GDA: variants seen among roughly 807,000 people sequenced by gnomAD.
GDA encodes cytoplasmic PSD-95 interactor.
A neutral mutation model predicts 59.6 loss-of-function variants in GDA; 18 were observed. The observed-to-expected ratio is 0.30, with a 90% CI of 0.21 to 0.45. The LOEUF (loss-of-function observed/expected upper bound fraction) is 0.45. Ranked by LOEUF, GDA falls within the 20% of genes least tolerant of loss-of-function variation. The probability of loss-of-function intolerance (pLI) is 1.00; values close to 1 mark genes in which losing one functional copy is unlikely to be tolerated. For missense variants in GDA, 427 were observed against 552.3 expected (o/e 0.77, Z 2.27); for synonymous variants, 201 against 201.1 (o/e 1.00, Z 0.00).
intron 2 of GDA, among the ~76,000 whole-genome samples, chr9:72,198,864 A>AT (rs933076662): frequency 0.014 from 1,204 of 86,124 alleles, 44 homozygotes; most frequent in African/African-American, 0.058. Context: ...TATATATAAA[A>AT]TTTTTTTTGC....
At chr9:72,146,640 G>A (rs143484320), upstream of GDA, among the ~76,000 whole-genome samples, 53 of 152,158 alleles carry the variant, frequency 3.5e-4, no homozygotes, top group Non-Finnish European at 6.8e-4. Context: ...ACAGGTGTGC[G>A]CCACCACACT....
chr9:72,210,741 A>T lies in GDA; in HGVS notation c.439A>T (p.Thr147Ser). The T allele has an allele frequency of 6.2e-7, 1 of 1,611,384 alleles. No homozygotes were observed. Among genetic ancestry groups the T allele is most frequent in the Non-Finnish European group, 8.5e-7 (1 of 1,177,548 alleles). Residue 147 changes from threonine to serine, a missense_variant, in exon 4 of 14, where the codon ACT becomes TCT. Physicochemically the swap from Thr to Ser is moderately conservative, Grantham distance 58 (BLOSUM62 1). Transcript: ENST00000358399. ...AGCTTGTTACTTTGCAACAATTCAC[A>T]CTGACTCATCTCTGCTCCTTGCCGA... ...TTACYFATIH[T>S]DSSLLLADIT... is the part of the protein sequence containing the mutation.
intron 1 of GDA, among the ~76,000 whole-genome samples, chr9:72,168,020 T>C (rs1829518238): frequency 6.6e-6 from 1 of 152,186 alleles, no homozygotes; most frequent in Admixed American, 6.5e-5. Flanking sequence ...TCCCTAGTGC[T>C]GGGGTACATC....
intron 1 of GDA, among the ~76,000 whole-genome samples, chr9:72,115,851 A>G (rs535886894): frequency 1.3e-5 from 2 of 152,302 alleles, no homozygotes; most frequent in Admixed American, 6.5e-5. Context: ...AAAAAGGGGG[A>G]GATGCAAATG....
chr9:72,225,831 A>AT, intron 8 of GDA, 47 bp downstream of exon 8: 1 of 718,510 alleles, frequency 1.4e-6, no homozygotes, highest in South Asian at 1.9e-5. Flanking sequence ...GGGCATATTT[A>AT]TCTCAATTTT....
At chr9:72,208,790 C>T (rs1048803462) in intron 3 of GDA, among the ~76,000 whole-genome samples, 1 of 152,128 alleles carries the variant, frequency 6.6e-6, no homozygotes, top group Admixed American at 6.5e-5. Context: ...TTGTGACAAA[C>T]AACTTATATG....
At chr9:72,186,333 G>T (rs963687727) in intron 1 of GDA, among the ~76,000 whole-genome samples, 3 of 152,092 alleles carry the variant, frequency 2.0e-5, no homozygotes, top group African/African-American at 7.2e-5. Flanking sequence ...CCTCTCTGGT[G>T]TTTCAGAACC....
intron 1 of GDA, among the ~76,000 whole-genome samples, chr9:72,139,600 A>G (rs2130646796): frequency 6.6e-6 from 1 of 152,244 alleles, no homozygotes; most frequent in Admixed American, 6.5e-5. Context: ...CAGGAGGATC[A>G]CTTGAGGACA....
chr9:72,170,588 G>C (rs1310737534), intron 1 of GDA, among the ~76,000 whole-genome samples: 1 of 152,196 alleles, frequency 6.6e-6, no homozygotes, highest in Admixed American at 6.5e-5. Flanking sequence ...TGGATATGGG[G>C]AGGCTTACTA....
Position 72,123,023 on chromosome 9 carries a change from C to T in GDA, c.-100+8190C>T, listed in dbSNP as rs1419915066. On this transcript the variant is annotated intron_variant, in intron 1 of 13. Transcript: ENST00000545168. ...ACTGTGTATTCATATTTTAAGAAGG[C>T]ACCTTCTCGATCTCACCAAAGCAGT... 3.3e-5 allele frequency among the ~76,000 whole-genome samples: 5 copies of T among 152,234 alleles called. No homozygotes were observed. In the East Asian group the frequency reaches 9.6e-4, roughly 29 times the overall value.
rs1417509726 is a variant in GDA, at chr9:72,249,495, A to G, written c.*1153A>G. On this transcript the variant is annotated 3_prime_UTR_variant, in exon 14 of 14. Coordinates refer to ENST00000358399, the MANE Select transcript of GDA (RefSeq NM_004293.5). ...ATGTTTAGGATATTAAAATTTTAGG[A>G]TAATGAAGAGTACATAATGTCCTAC... 1.5e-6 allele frequency: 1 copy of G among 674,878 alleles called. No individual in the cohort carries two copies. The highest frequency in any genetic ancestry group is 1.8e-6 in the Non-Finnish European group (1 of 546,776). The allele number at this position is 674,878 out of a possible 1,614,324, so 41.8% of individuals were successfully genotyped here.
downstream of GDA, among the ~76,000 whole-genome samples, chr9:72,254,850 C>T (rs1279621939): frequency 6.6e-6 from 1 of 152,108 alleles, no homozygotes. Context: ...TTCAAATGGC[C>T]TTGGTGATTT....
At chr9:72,245,060 T>G (rs943053732) in intron 11 of GDA, 88 bp from the exon 12 acceptor site, 16 of 1,294,174 alleles carry the variant, frequency 1.2e-5, no homozygotes, top group Non-Finnish European at 1.1e-6. Flanking sequence ...CCTAGCGACA[T>G]GTTGGCAAAA....
chr9:72,173,219 T>C (rs1160244809), intron 1 of GDA, among the ~76,000 whole-genome samples: 1 of 152,228 alleles, frequency 6.6e-6, no homozygotes, highest in Non-Finnish European at 1.5e-5. Context: ...TAGAGCCACA[T>C]TCCTTTTATG....
intron 1 of GDA, among the ~76,000 whole-genome samples, chr9:72,171,962 TTAAG>T (rs1436786998): frequency 2.0e-5 from 3 of 152,208 alleles, no homozygotes; most frequent in Non-Finnish European, 4.4e-5. Context: ...TGCAATGCGA[TTAAG>T]TAACAGGTTG....
intron 10 of GDA, among the ~76,000 whole-genome samples, chr9:72,238,782 G>T (rs1839294516): frequency 6.6e-6 from 1 of 152,134 alleles, no homozygotes; most frequent in Non-Finnish European, 1.5e-5. Context: ...CTGAGAAAAT[G>T]CTTCAATTTT....
chr9:72,224,959 T>A (rs553535401), intron 7 of GDA, among the ~76,000 whole-genome samples: 3 of 152,204 alleles, frequency 2.0e-5, no homozygotes, highest in South Asian at 4.1e-4. Flanking sequence ...CACTGTCTGC[T>A]TTTTTATGAA....
chr9:72,204,067 G>A (rs1032498804), intron 3 of GDA, among the ~76,000 whole-genome samples: 5 of 152,022 alleles, frequency 3.3e-5, no homozygotes, highest in East Asian at 1.9e-4. Context: ...CACCCACCTC[G>A]GCCTCCCAAA....
chr9:72,240,173 G>T (rs1356149969), intron 10 of GDA, among the ~76,000 whole-genome samples: 1 of 152,078 alleles, frequency 6.6e-6, no homozygotes, highest in East Asian at 1.9e-4. Flanking sequence ...TTCATTTAAT[G>T]ATGCCTACCA....
Sources: allele counts gnomAD v4.1 joint callset (sites outside exome capture counted in the v4.1 genomes callset), GRCh38; gene constraint gnomAD v4.1.1; transcripts MANE v1.5; gene names NCBI Gene and HGNC (gene_info 2026-07-23, HGNC 2026-07-21).